Variants in GPHN observed in about 807,000 individuals in gnomAD.
GPHN encodes the protein gephyrin.
In GPHN, 17 loss-of-function variants were observed where a neutral mutation model predicts 95.5. The ratio of observed to expected loss-of-function variants is 0.18; its 90% CI spans 0.12 to 0.27. The LOEUF is 0.27. Ranked by LOEUF, GPHN falls within the 10% of genes least tolerant of loss-of-function variation. The pLI, the probability that GPHN is intolerant of heterozygous loss-of-function variation, is 1.00. For missense variants in GPHN, 660 were observed against 978.1 expected (o/e 0.67, Z 4.34); for synonymous variants, 320 against 322.5 (o/e 0.99, Z 0.08).
the GPHN span, among the ~76,000 whole-genome samples, chr14:67,614,637 C>T: frequency 6.6e-6 from 1 of 152,008 alleles, no homozygotes; most frequent in Non-Finnish European, 1.5e-5. Flanking sequence ...TGGCACGCAC[C>T]TGTAGTTCCA....
chr14:67,168,344 CA>C (rs1414173114), intron 20 of GPHN, among the ~76,000 whole-genome samples: 1 of 152,142 alleles, frequency 6.6e-6, no homozygotes, highest in Non-Finnish European at 1.5e-5. Flanking sequence ...GCCCTATCTC[CA>C]AATATAGTCA....
chr14:66,782,922 G>A (rs1206133179), intron 3 of GPHN, among the ~76,000 whole-genome samples: 2 of 152,132 alleles, frequency 1.3e-5, no homozygotes, highest in African/African-American at 4.8e-5. Context: ...GGCTACCTGG[G>A]AACCTCAGGA....
the GPHN span, chr14:67,585,810 A>T: frequency 9.6e-7 from 1 of 1,038,904 alleles, no homozygotes; most frequent in Non-Finnish European, 1.4e-6. Context: ...CACTGCTTGT[A>T]GATATTCAAG....
At chr14:67,677,139 GT>G in the GPHN span, 1 of 152,084 alleles carries the variant, frequency 6.6e-6, no homozygotes, top group African/African-American at 2.4e-5. Flanking sequence ...CTCCAAACAA[GT>G]GATGGGAACA....
chr14:67,582,889 G>A, the GPHN span, among the ~76,000 whole-genome samples: 1 of 152,014 alleles, frequency 6.6e-6, no homozygotes, highest in African/African-American at 2.4e-5. This position sits in a 1 kb window ranked among gnomAD's most constrained non-coding sequence, Gnocchi z 5.0. Flanking sequence ...GCCTCCACAG[G>A]GTTGTACTAA....
At position 67,058,743 on chromosome 14, in the gene GPHN, G is replaced by A. The variant is rs1237286121; in HGVS notation, c.1101G>A (p.Leu367=). Residue 367 remains leucine (L), a synonymous_variant, in exon 11 of 23, where the codon CTG becomes CTA. Coordinates refer to ENST00000478722, the MANE Select transcript of GPHN (RefSeq NM_020806.5). ...TGGACAAAGCCTTTATCACAGTCCT[G>A]GAGATGACTCCGGTGCTTGGGACAG... ...TSMDKAFITV[L]EMTPVLGTEI... is the part of the protein sequence containing the mutation. 3 of 1,613,346 alleles carry A rather than the reference G, an allele frequency of 1.9e-6. No homozygotes were observed. The highest frequency in any genetic ancestry group is 8.5e-7 in the Non-Finnish European group (1 of 1,179,460).
chr14:66,714,494 C>A (rs950440885), intron 2 of GPHN, among the ~76,000 whole-genome samples: 1 of 152,096 alleles, frequency 6.6e-6, no homozygotes, highest in African/African-American at 2.4e-5. Context: ...TTTTTACTTT[C>A]TCTTGTCTGA....
chr14:67,012,966 A>G (rs2073093525), intron 9 of GPHN, among the ~76,000 whole-genome samples: 1 of 152,018 alleles, frequency 6.6e-6, no homozygotes, highest in South Asian at 2.1e-4. Flanking sequence ...TTCTGAAACT[A>G]TCTTATTTAT....
At chr14:67,090,065 T>C (rs2077085171) in intron 12 of GPHN, among the ~76,000 whole-genome samples, 1 of 152,138 alleles carries the variant, frequency 6.6e-6, no homozygotes, top group Non-Finnish European at 1.5e-5. Context: ...ACTCTCTTAG[T>C]GATTTTCAAA....
At chr14:67,719,184 A>G in the GPHN span, among the ~76,000 whole-genome samples, 1 of 152,246 alleles carries the variant, frequency 6.6e-6, no homozygotes, top group African/African-American at 2.4e-5. Flanking sequence ...CGTACAGGCT[A>G]AAATGTTTTA....
At chr14:67,294,889 G>A in the GPHN span, 1 of 152,042 alleles carries the variant, frequency 6.6e-6, no homozygotes, top group African/African-American at 2.4e-5. Context: ...AGCCAGGATG[G>A]TCTTGATCTC....
chr14:67,018,143 C>T (rs1170099670), intron 9 of GPHN, among the ~76,000 whole-genome samples: 2 of 151,898 alleles, frequency 1.3e-5, no homozygotes, highest in Non-Finnish European at 2.9e-5. Context: ...TTCTATAAGT[C>T]CTATATTAGA....
the GPHN span, among the ~76,000 whole-genome samples, chr14:67,388,640 T>C: frequency 8.5e-5 from 13 of 152,226 alleles, no homozygotes; most frequent in African/African-American, 3.1e-4. Context: ...TTAACCCTTG[T>C]GTGCATCTTA....
chr14:66,722,239 A>G (rs1045949366), intron 2 of GPHN, among the ~76,000 whole-genome samples: 3 of 152,162 alleles, frequency 2.0e-5, no homozygotes, highest in African/African-American at 4.8e-5. Flanking sequence ...AAATTGTTCA[A>G]AATAACTGAT....
intron 1 of GPHN, among the ~76,000 whole-genome samples, chr14:66,509,832 C>A (rs1010187368): frequency 1.3e-5 from 2 of 151,834 alleles, no homozygotes; most frequent in Non-Finnish European, 2.9e-5. Flanking sequence ...ATAAGACTTG[C>A]TTTTATTATT....
At chr14:67,201,416 T>C in the GPHN span, 2 of 456,046 alleles carry the variant, frequency 4.4e-6, no homozygotes, top group East Asian at 6.9e-5. Context: ...CTCTTTTTGC[T>C]CTGTCACCTT....
At chr14:67,650,711 CCAGGGTTGCTATCAGCA>C in the GPHN span, 1 of 1,613,474 alleles carries the variant, frequency 6.2e-7, no homozygotes, top group South Asian at 1.1e-5. Context: ...CTTTGTTCTT[CCAGGGTTGCTATCAGCA>C]CTGGATCTTG....
chr14:67,067,882 G>A (rs553511183), intron 11 of GPHN, among the ~76,000 whole-genome samples: 1 of 152,320 alleles, frequency 6.6e-6, no homozygotes, highest in African/African-American at 2.4e-5. Context: ...GGCTAGGAAA[G>A]GGAAATCCCC....
chr14:67,388,082 T>G, the GPHN span: 1 of 596,004 alleles, frequency 1.7e-6, no homozygotes, highest in East Asian at 2.8e-5. Context: ...ATTCTGAAAT[T>G]CACTTCAAAA....
Sources: allele counts gnomAD v4.1 joint callset (sites outside exome capture counted in the v4.1 genomes callset), GRCh38; gene constraint gnomAD v4.1.1; non-coding constraint Gnocchi (gnomAD v3.1); transcripts MANE v1.5; gene names NCBI Gene and HGNC (gene_info 2026-07-23, HGNC 2026-07-21).